Variants in ANKS1A observed in about 807,000 individuals in gnomAD.
ANKS1A encodes the protein ankyrin repeat and SAM domain-containing protein 1A.
Under a neutral mutation model 120.3 loss-of-function variants are expected in ANKS1A, and 55 were observed. The ratio of observed to expected loss-of-function variants is 0.46; its 90% CI spans 0.37 to 0.57. The LOEUF is 0.57. Ranked by LOEUF, ANKS1A falls within the 20% of genes least tolerant of loss-of-function variation. ANKS1A has a pLI of 0.00. For synonymous variants in ANKS1A, 590 were observed against 604.7 expected, an observed-to-expected ratio of 0.98 and a Z score of 0.36; for missense variants, 1,123 against 1,480.3, an observed-to-expected ratio of 0.76 and a Z score of 3.96.
chr6:35,021,995 A>C (rs112139241), intron 11 of ANKS1A, among the ~76,000 whole-genome samples: 190 of 151,908 alleles, frequency 1.3e-3, no homozygotes, highest in Middle Eastern at 6.8e-3. Flanking sequence ...AAAAAAAAAA[A>C]AAAACAAAAC....
intron 13 of ANKS1A, among the ~76,000 whole-genome samples, chr6:35,076,881 C>T (rs1043920056): frequency 2.6e-5 from 4 of 152,176 alleles, no homozygotes; most frequent in Non-Finnish European, 5.9e-5. Flanking sequence ...CCACCTGCCT[C>T]AGCCTCCCAA....
intron 1 of ANKS1A, among the ~76,000 whole-genome samples, chr6:34,921,250 A>G (rs1392169979): frequency 6.6e-6 from 1 of 152,230 alleles, no homozygotes; most frequent in Non-Finnish European, 1.5e-5. Flanking sequence ...TTATCAAAAT[A>G]TGCCTTTGGG....
intron 3 of ANKS1A, among the ~76,000 whole-genome samples, chr6:34,980,733 T>TA (rs1284220338): frequency 2.0e-5 from 3 of 152,224 alleles, no homozygotes; most frequent in African/African-American, 7.2e-5. Context: ...TCATGGGACT[T>TA]ACTTTATTTC....
intron 10 of ANKS1A, among the ~76,000 whole-genome samples, chr6:35,011,436 G>A (rs1773753497): frequency 6.6e-6 from 1 of 152,216 alleles, no homozygotes; most frequent in African/African-American, 2.4e-5. Flanking sequence ...TTGGGGGCCA[G>A]AGGTCAGAGG....
intron 10 of ANKS1A, among the ~76,000 whole-genome samples, chr6:34,996,422 A>C (rs1177308449): frequency 1.3e-5 from 2 of 151,292 alleles, no homozygotes; most frequent in Non-Finnish European, 2.9e-5. Flanking sequence ...GTGATTCTTA[A>C]TTTCAATAAA....
chr6:34,938,380 G>C (rs1769361464), intron 1 of ANKS1A, among the ~76,000 whole-genome samples: 1 of 152,174 alleles, frequency 6.6e-6, no homozygotes. Context: ...AAATTGCTCT[G>C]TAGAAAAGGC....
At chr6:35,087,113 G>A (rs1260172806) in intron 23 of ANKS1A, 64 bp downstream of exon 23, 3 of 1,507,562 alleles carry the variant, frequency 2.0e-6, no homozygotes, top group Non-Finnish European at 2.8e-6. Context: ...CTGTGCCTTT[G>A]CCATCCGATC....
intron 1 of ANKS1A, among the ~76,000 whole-genome samples, chr6:34,954,759 C>A (rs1329928419): frequency 6.6e-6 from 1 of 152,206 alleles, no homozygotes; most frequent in Non-Finnish European, 1.5e-5. Context: ...GTGCATCAGT[C>A]CCACTGGAAG....
intron 17 of ANKS1A, 85 bp downstream of exon 17, chr6:35,081,243 C>T: frequency 6.9e-7 from 1 of 1,447,204 alleles, no homozygotes; most frequent in Non-Finnish European, 9.1e-7. Flanking sequence ...CCTGCTGCCC[C>T]ATACTTGAGC....
chr6:34,994,297 C>G lies in ANKS1A; in HGVS notation c.1303-5C>G. ...CAAGATACACTGGATGTTTCTCTCCCTTAGGTTCTGTCCATGAGACCTAGG... is the reference window on the plus strand; with the variant it reads ...CAAGATACACTGGATGTTTCTCTCCGTTAGGTTCTGTCCATGAGACCTAGG... On this transcript the variant is annotated splice_polypyrimidine_tract_variant and splice_region_variant and intron_variant, in intron 9 of 23. Transcript: ENST00000360359. 2 of 1,612,818 alleles carry G rather than the reference C, an allele frequency of 1.2e-6. No homozygotes were observed. Among genetic ancestry groups the G allele is most frequent in the Non-Finnish European group, 8.5e-7 (1 of 1,179,122 alleles).
chr6:34,969,711 G>A (rs375168627), intron 2 of ANKS1A, among the ~76,000 whole-genome samples: 1 of 152,304 alleles, frequency 6.6e-6, no homozygotes, highest in East Asian at 1.9e-4. Flanking sequence ...CAAGGAAACA[G>A]GTTTGGACAA....
chr6:34,939,290 G>A (rs1289431268), intron 1 of ANKS1A, among the ~76,000 whole-genome samples: 1 of 152,136 alleles, frequency 6.6e-6, no homozygotes, highest in East Asian at 1.9e-4. Context: ...TGTGGACAGG[G>A]CAATGGAACC....
intron 13 of ANKS1A, among the ~76,000 whole-genome samples, chr6:35,069,294 CA>C (rs1776951372): frequency 1.3e-5 from 2 of 151,984 alleles, no homozygotes; most frequent in African/African-American, 2.4e-5. Flanking sequence ...CCCCCTCCTG[CA>C]GTCCCCCAAC....
chr6:35,060,977 T>A lies in ANKS1A; in HGVS notation c.2184+724T>A, dbSNP rs1348465295. Among the ~76,000 whole-genome samples the A allele has an allele frequency of 6.6e-6, 1 of 152,230 alleles. No homozygotes were observed. The highest frequency in any genetic ancestry group is 2.1e-4 in the South Asian group (1 of 4,832). ...GGAAGCCCTTCTAGAGGCATCTGCA[T>A]GCGCCGGGCCTGCTTCCAGGAGCAG... On this transcript the variant is annotated intron_variant, in intron 13 of 23. Coordinates refer to ENST00000360359, the MANE Select transcript of ANKS1A (RefSeq NM_015245.3). The surrounding 1 kb of genome is among the most constrained non-coding windows in gnomAD (Gnocchi z 4.5).
At chr6:35,004,530 G>A (rs1773344240) in intron 10 of ANKS1A, among the ~76,000 whole-genome samples, 1 of 152,046 alleles carries the variant, frequency 6.6e-6, no homozygotes, top group Admixed American at 6.5e-5. Flanking sequence ...CACTGAGGAA[G>A]AAAACATTTC....
At chr6:34,994,528 G>A in intron 10 of ANKS1A, 106 bp downstream of exon 10, 44 of 1,489,392 alleles carry the variant, frequency 3.0e-5, no homozygotes, top group Non-Finnish European at 4.0e-5. Context: ...TCCTTGGGTT[G>A]TGGTGGTTGG....
intron 12 of ANKS1A, among the ~76,000 whole-genome samples, chr6:35,059,664 C>G (rs182043200): frequency 2.6e-5 from 4 of 152,204 alleles, no homozygotes; most frequent in African/African-American, 9.6e-5. Flanking sequence ...CCCCTCGCCA[C>G]GGCCCCACAG....
chr6:34,924,782 G>A (rs1186982388), intron 1 of ANKS1A, among the ~76,000 whole-genome samples: 1 of 152,120 alleles, frequency 6.6e-6, no homozygotes, highest in African/African-American at 2.4e-5. Context: ...TTGAGGCAGG[G>A]TCTTGCTCTG....
rs1458080845 is a variant in ANKS1A, at chr6:35,089,392, A to G, written c.*783A>G. ...GCCTCTCCCTGGCCTCTTACCTGTC[A>G]GTGATCGGAGCACTGCCCTGGGCTG... On this transcript the variant is annotated 3_prime_UTR_variant, in exon 24 of 24. Transcript: ENST00000360359. 1.0e-6 allele frequency: 1 copy of G among 986,666 alleles called. No individual in the cohort carries two copies. Among genetic ancestry groups the G allele is most frequent in the Non-Finnish European group, 1.2e-6 (1 of 830,570 alleles). 61.1% of individuals were successfully genotyped at this position (986,666 alleles called of 1,614,324 possible).
Sources: gnomAD v4.1 joint callset for allele counts (sites outside exome capture counted in the v4.1 genomes callset) on GRCh38, gnomAD v4.1.1 for gene constraint, Gnocchi (gnomAD v3.1) non-coding constraint, MANE v1.5 for transcripts, NCBI Gene and HGNC (gene_info 2026-07-23, HGNC 2026-07-21) for gene names.